Variants in KDM5B observed in about 807,000 individuals in gnomAD.
KDM5B encodes the protein lysine-specific demethylase 5B.
Under a neutral mutation model 193.4 loss-of-function variants are expected in KDM5B, and 144 were observed. The observed-to-expected ratio is 0.74, with a 90% confidence interval of 0.65 to 0.86. The LOEUF is 0.86. Among genes scored for constraint, KDM5B ranks in the 40% least tolerant of loss-of-function variants. The pLI is 0.00. For synonymous variants in KDM5B, 668 were observed against 682.6 expected (o/e 0.98, Z 0.33); for missense variants, 1,833 against 1,886.9 (o/e 0.97, Z 0.53).
chr1:202,770,529 A>C (rs533760026), intron 4 of KDM5B, among the ~76,000 whole-genome samples: 19 of 152,370 alleles, frequency 1.2e-4, no homozygotes, highest in Middle Eastern at 3.4e-3. Context: ...AGGAATATTC[A>C]TCATAGTATT....
intron 8 of KDM5B, among the ~76,000 whole-genome samples, chr1:202,759,323 G>C (rs542637154): frequency 1.3e-4 from 20 of 152,204 alleles, no homozygotes; most frequent in Admixed American, 1.2e-3. Context: ...AGGATCACCT[G>C]AGCTCCGGAG....
chr1:202,762,933 T>C (rs1461833913), intron 6 of KDM5B, 125 bp from the exon 7 acceptor site: 2 of 646,140 alleles, frequency 3.1e-6, no homozygotes, highest in Non-Finnish European at 5.6e-6. Context: ...TTAGTAGCAA[T>C]AGCACCCAGT....
chr1:202,784,662 A>T (rs941938077), intron 1 of KDM5B, among the ~76,000 whole-genome samples: 2 of 152,242 alleles, frequency 1.3e-5, no homozygotes, highest in African/African-American at 4.8e-5. Flanking sequence ...TTAACTATTT[A>T]TGAGCCCCTG....
chr1:202,729,539 A>AG (rs1654795789), intron 26 of KDM5B, 168 bp downstream of exon 26: 2 of 630,156 alleles, frequency 3.2e-6, no homozygotes, highest in Non-Finnish European at 5.4e-6. Context: ...GAGGAGACCC[A>AG]GGAACGATGG....
chr1:202,756,511 G>T lies in KDM5B; in HGVS notation c.1203C>A (p.Val401=). Residue 401 remains valine, a synonymous_variant, in exon 10 of 27, where the codon GTC becomes GTA. Coordinates refer to ENST00000367265, the MANE Select transcript of KDM5B (RefSeq NM_006618.5). ...SDYFNMPVHM[V]PTELVEKEFW... ...ATTCTTTCTCAACAAGCTCTGTGGGGACCATCTGGAAATACAAGGAATAGA... is the reference window on the plus strand; with the variant it reads ...ATTCTTTCTCAACAAGCTCTGTGGGTACCATCTGGAAATACAAGGAATAGA... 6.3e-7 allele frequency: 1 copy of T among 1,579,924 alleles called. No homozygotes were observed. Among genetic ancestry groups the T allele is most frequent in the Non-Finnish European group, 8.6e-7 (1 of 1,164,778 alleles).
In KDM5B at chr1:202,729,919, T is replaced by A; in HGVS notation, c.4285A>T (p.Lys1429Ter). Residue 1429 changes from lysine to a stop codon, truncating the protein, a stop_gained, in exon 26 of 27, where the codon AAA becomes TAA. Coordinates refer to ENST00000367265, the MANE Select transcript of KDM5B (RefSeq NM_006618.5). LOFTEE classifies it high-confidence loss of function. ...LSSERWERVK[K>*]MRTPKKKKIK... ...TTCTTCTTTTTGGGGGTCCGCATTT[T>A]CTTAACTCGTTCCCACCGCTCACTG... 6.2e-7 allele frequency: 1 copy of A among 1,614,170 alleles called. No homozygotes were observed. Among genetic ancestry groups the A allele is most frequent in the Non-Finnish European group, 8.5e-7 (1 of 1,180,018 alleles).
intron 1 of KDM5B, among the ~76,000 whole-genome samples, chr1:202,801,788 A>G (rs1226355143): frequency 6.6e-6 from 1 of 152,214 alleles, no homozygotes; most frequent in African/African-American, 2.4e-5. Flanking sequence ...TCCAGTTATT[A>G]GTATCTCAAA....
chr1:202,791,640 G>C (rs181110590), intron 1 of KDM5B, among the ~76,000 whole-genome samples: 1 of 151,904 alleles, frequency 6.6e-6, no homozygotes, highest in Non-Finnish European at 1.5e-5. Context: ...TTAACCACTC[G>C]GTACATAACT....
chr1:202,739,330 A>G (rs1329423702), intron 20 of KDM5B, among the ~76,000 whole-genome samples: 1 of 152,196 alleles, frequency 6.6e-6, no homozygotes, highest in Non-Finnish European at 1.5e-5. Flanking sequence ...AATAGCTGGT[A>G]AGTACATCCA....
chr1:202,781,767 G>A (rs1297103054), intron 1 of KDM5B, among the ~76,000 whole-genome samples: 2 of 152,140 alleles, frequency 1.3e-5, no homozygotes, highest in Non-Finnish European at 2.9e-5. Flanking sequence ...AAAAGCATAT[G>A]AAAAATAATG....
intron 12 of KDM5B, 40 bp from the exon 13 acceptor site, chr1:202,750,818 G>C: frequency 6.3e-7 from 1 of 1,592,800 alleles, no homozygotes; most frequent in Non-Finnish European, 8.6e-7. Flanking sequence ...GTTTCTTAAA[G>C]AGTGACATTG....
chr1:202,730,858 A>G (rs1292026017), intron 25 of KDM5B, 51 bp downstream of exon 25: 1 of 1,518,374 alleles, frequency 6.6e-7, no homozygotes, highest in Non-Finnish European at 8.9e-7. Flanking sequence ...AAAATAAAGC[A>G]TACCCCCACC....
At chr1:202,747,006 C>T (rs573350761) in intron 14 of KDM5B, among the ~76,000 whole-genome samples, 1 of 152,204 alleles carries the variant, frequency 6.6e-6, no homozygotes, top group African/African-American at 2.4e-5. Flanking sequence ...TTGGATACAC[C>T]TTTTGTCATT....
At chr1:202,746,100 C>A (rs778800081) in intron 15 of KDM5B, 42 bp downstream of exon 15, 9 of 1,545,024 alleles carry the variant, frequency 5.8e-6, no homozygotes, top group African/African-American at 1.4e-5. Flanking sequence ...TAGTAAGGAT[C>A]AACTGTTTTC....
rs1230833371 is a variant in KDM5B at position 202,808,405 on chromosome 1, G to GCT, written c.-101_-100insAG. ...CCGTGCAGACGCGGCTCGAGCAACA[G>GCT]CAAGTCCGAGTTGTACGGGCAACGG... On this transcript the variant is annotated 5_prime_UTR_variant, in exon 1 of 27. Coordinates refer to ENST00000367265, the MANE Select transcript of KDM5B (RefSeq NM_006618.5). The GCT allele has an allele frequency of 2.7e-6, 3 of 1,115,982 alleles. No homozygotes were observed. 69.1% of individuals were successfully genotyped at this position (1,115,982 alleles called of 1,614,324 possible). A position where few individuals can be genotyped will look rare whatever the true frequency, so the allele number is the denominator to read the frequency against.
rs1319784725 is a variant in KDM5B, at chr1:202,730,979, G to C, written c.4106C>G (p.Thr1369Ser). The C allele has an allele frequency of 1.2e-6, 2 of 1,613,806 alleles. No individual in the cohort carries two copies. Among genetic ancestry groups the C allele is most frequent in the Non-Finnish European group, 1.7e-6 (2 of 1,179,878 alleles). Residue 1369 changes from threonine to serine, a missense_variant, in exon 25 of 27, where the codon ACT (threonine) becomes AGT (serine). By Grantham distance (58) the Thr-to-Ser change is moderately conservative (BLOSUM62 1). Around this residue, in one of 3 missense-constraint regions of KDM5B, gnomAD observed 1,379 missense variants for 1,349.6 expected, o/e 1.02. Coordinates refer to ENST00000367265, the MANE Select transcript of KDM5B (RefSeq NM_006618.5). The part of the protein sequence containing the change: ...SLPEIQELYQ[T>S]LLAKPSPAQQ... The stretch of plus-strand genomic sequence containing the variant: ...AGCAGGGCTTGGCTTTGCAAGTAAA[G>C]TCTGGTAAAGTTCCTGAATTTCAGG...
In KDM5B at chr1:202,741,499, A is replaced by C. The variant is rs1655336046; in HGVS notation, c.2813T>G (p.Met938Arg). The C allele has an allele frequency of 1.9e-6, 3 of 1,614,248 alleles. No homozygotes were observed. The highest frequency in any genetic ancestry group is 1.1e-5 in the South Asian group (1 of 91,086). ...TACCCCTAGGTCTATGAGACGTCTC[A>C]TATCATCTAAAGTAAGGGAGCTGGG... is the stretch of plus-strand genomic sequence containing the variant. The part of the protein sequence containing the change: ...LDPSSLTLDD[M>R]RRLIDLGVGL... The change falls in exon 19 of 27, where the codon ATG becomes AGG. Residue 938 changes from methionine to arginine, a missense_variant. Physicochemically the swap from Met to Arg is moderately conservative, Grantham distance 91. This residue lies in a region of KDM5B where 1,379 missense variants were observed against 1,349.6 expected (regional missense o/e 1.02). Transcript: ENST00000367265.
chr1:202,773,329 A>G, intron 3 of KDM5B, 41 bp from the exon 4 acceptor site: 2 of 1,539,364 alleles, frequency 1.3e-6, no homozygotes, highest in Non-Finnish European at 1.8e-6. Flanking sequence ...TATGGAAGTC[A>G]CTTCTAATCA....
intron 1 of KDM5B, among the ~76,000 whole-genome samples, chr1:202,789,755 CAG>C (rs975089286): frequency 1.3e-5 from 2 of 150,464 alleles, no homozygotes; most frequent in African/African-American, 2.4e-5. Context: ...TTAAGACAGA[CAG>C]AGAGAGAGAG....
Sources: allele counts gnomAD v4.1 joint callset (sites outside exome capture counted in the v4.1 genomes callset), GRCh38; gene constraint gnomAD v4.1.1; regional missense constraint gnomAD v4.1.1; transcripts MANE v1.5; gene names NCBI Gene and HGNC (gene_info 2026-07-23, HGNC 2026-07-21).